Variants in CAPG observed in about 807,000 individuals in gnomAD.
CAPG encodes capping actin protein, gelsolin like.
Under a neutral mutation model 44.6 loss-of-function variants are expected in CAPG, and 32 were observed. The ratio of observed to expected loss-of-function variants is 0.72; its 90% CI spans 0.54 to 0.96. The LOEUF (loss-of-function observed/expected upper bound fraction) is 0.96, where lower values mean the gene tolerates loss of function less well. Among genes scored for constraint, CAPG ranks in the 50% least tolerant of loss-of-function variants. The probability of loss-of-function intolerance (pLI) is 0.00; values close to 1 mark genes in which losing one functional copy is unlikely to be tolerated. For synonymous variants in CAPG, 175 were observed against 179.6 expected (o/e 0.97, Z 0.20); for missense variants, 412 against 438.3 (o/e 0.94, Z 0.54).
At chr2:85,396,698 C>CA (rs1686616522) in intron 8 of CAPG, among the ~76,000 whole-genome samples, 1 of 152,106 alleles carries the variant, frequency 6.6e-6, no homozygotes, top group African/African-American at 2.4e-5. Flanking sequence ...GCATTGGTTC[C>CA]ATGGGATATG....
intron 1 of CAPG, among the ~76,000 whole-genome samples, chr2:85,405,668 T>C (rs994439721): frequency 2.6e-5 from 4 of 152,188 alleles, no homozygotes; most frequent in East Asian, 1.9e-4. Flanking sequence ...ATTATGACTT[T>C]CCTTTTCCTT....
intron 1 of CAPG, among the ~76,000 whole-genome samples, chr2:85,403,514 CT>C (rs1378407080): frequency 6.6e-6 from 1 of 152,184 alleles, no homozygotes; most frequent in African/African-American, 2.4e-5. Context: ...CAACATTCTC[CT>C]GATAACAAAA....
chr2:85,397,408 T>C (rs534062073), intron 8 of CAPG, among the ~76,000 whole-genome samples: 35 of 152,000 alleles, frequency 2.3e-4, no homozygotes, highest in Non-Finnish European at 4.4e-4. Context: ...ATTTAGGAGG[T>C]GGGAACAGCA....
intron 1 of CAPG, among the ~76,000 whole-genome samples, chr2:85,417,776 G>A (rs952134712): frequency 3.3e-5 from 5 of 152,024 alleles, no homozygotes; most frequent in African/African-American, 4.8e-5. Context: ...GAGCCACTGC[G>A]CCCGGCCATA....
downstream of CAPG, among the ~76,000 whole-genome samples, chr2:85,393,371 G>A (rs145526702): frequency 2.2e-4 from 34 of 152,180 alleles, no homozygotes; most frequent in East Asian, 6.6e-3. Flanking sequence ...TATAGGGAAA[G>A]GGGCTAGGCC....
upstream of CAPG, among the ~76,000 whole-genome samples, chr2:85,414,422 G>A (rs1368845130): frequency 2.5e-5 from 3 of 118,940 alleles, no homozygotes; most frequent in African/African-American, 3.4e-5. Context: ...TTCAGTAGCA[G>A]AACTAAGATT....
At chr2:85,392,156 C>T (rs190782493), downstream of CAPG, among the ~76,000 whole-genome samples, 240 of 152,216 alleles carry the variant, frequency 1.6e-3, 4 homozygotes, top group East Asian at 0.043. Flanking sequence ...TTTGGGAGGC[C>T]GAGGCGGGTG....
At chr2:85,397,349 C>G (rs1334143432) in intron 8 of CAPG, among the ~76,000 whole-genome samples, 1 of 152,148 alleles carries the variant, frequency 6.6e-6, no homozygotes, top group Non-Finnish European at 1.5e-5. Flanking sequence ...TCTAAACAGG[C>G]CGTGGGGTGA....
intron 6 of CAPG, 26 bp downstream of exon 6, chr2:85,399,110 A>T (rs199748173): frequency 6.2e-7 from 1 of 1,608,588 alleles, no homozygotes; most frequent in Non-Finnish European, 8.5e-7. Flanking sequence ...AGAGGCTCCC[A>T]GCCACCCACT....
chr2:85,394,364 T>G (rs1195270926), downstream of CAPG, among the ~76,000 whole-genome samples: 1 of 152,234 alleles, frequency 6.6e-6, no homozygotes, highest in African/African-American at 2.4e-5. Flanking sequence ...TAAGCCAGGC[T>G]TGGTACAATT....
intron 1 of CAPG, among the ~76,000 whole-genome samples, chr2:85,415,968 C>T (rs541377498): frequency 2.4e-4 from 36 of 152,288 alleles, no homozygotes; most frequent in South Asian, 1.9e-3. Flanking sequence ...CCTCCTTCCT[C>T]GGCCTCCCAA....
At chr2:85,400,087 T>G (rs148351370) in intron 5 of CAPG, among the ~76,000 whole-genome samples, 163 of 152,322 alleles carry the variant, frequency 1.1e-3, no homozygotes, top group African/African-American at 3.8e-3. Context: ...TTTAAACGTC[T>G]CTTAACCACC....
At chr2:85,412,805 G>C (rs1440704769), upstream of CAPG, among the ~76,000 whole-genome samples, 1 of 152,190 alleles carries the variant, frequency 6.6e-6, no homozygotes, top group African/African-American at 2.4e-5. Context: ...ATAAGAGCTA[G>C]ACAATTTGGC....
At chr2:85,407,006 T>C (rs1356920753) in intron 1 of CAPG, among the ~76,000 whole-genome samples, 2 of 151,326 alleles carry the variant, frequency 1.3e-5, no homozygotes, top group African/African-American at 2.4e-5. Context: ...TCTCAGCTCA[T>C]TGCAACCTCT....
intron 5 of CAPG, 103 bp downstream of exon 5, chr2:85,401,062 T>C: frequency 5.2e-6 from 6 of 1,145,386 alleles, no homozygotes; most frequent in Non-Finnish European, 7.6e-6. Flanking sequence ...TGGAATGGGT[T>C]TACGGCTTCT....
upstream of CAPG, among the ~76,000 whole-genome samples, chr2:85,412,917 T>G (rs1687459605): frequency 6.6e-6 from 1 of 152,220 alleles, no homozygotes; most frequent in African/African-American, 2.4e-5. Context: ...TGAGATCCTA[T>G]GATTAATGAG....
chr2:85,398,853 G>A lies in CAPG; in HGVS notation c.667-71C>T, dbSNP rs73945745. On this transcript the variant is annotated intron_variant, in intron 6 of 9. Coordinates refer to ENST00000263867, the MANE Select transcript of CAPG (RefSeq NM_001747.4). ...GAACTTCCCAGCCCATCATGCCCAG[G>A]GCCACTGCTTCTGGTGGGGCAAACT... is the stretch of plus-strand genomic sequence containing the variant. 5.1e-3 allele frequency: 6,230 copies of A among 1,227,670 alleles called. 220 individuals carry two copies. In the African/African-American group the frequency reaches 0.082, roughly 16 times the overall value. 76.0% of individuals were successfully genotyped at this position (1,227,670 alleles called of 1,614,324 possible).
At chr2:85,403,886 C>CAAAAAA (rs36054381) in intron 1 of CAPG, among the ~76,000 whole-genome samples, 15 of 69,756 alleles carry the variant, frequency 2.2e-4, no homozygotes, top group East Asian at 1.1e-3. Context: ...GACTCCATCT[C>CAAAAAA]AAAAAAAAAA....
At chr2:85,393,647 C>G (rs1164010353), downstream of CAPG, among the ~76,000 whole-genome samples, 1 of 152,158 alleles carries the variant, frequency 6.6e-6, no homozygotes, top group Admixed American at 6.5e-5. Flanking sequence ...TCACTGCAAC[C>G]TCTACCTCCC....
Sources: allele counts gnomAD v4.1 joint callset (sites outside exome capture counted in the v4.1 genomes callset), GRCh38; gene constraint gnomAD v4.1.1; transcripts MANE v1.5; gene names NCBI Gene and HGNC (gene_info 2026-07-23, HGNC 2026-07-21).